The following NAV3 variants were observed in gnomAD, a reference collection of about 807,000 sequenced individuals.
The protein encoded by NAV3 is pore membrane and/or filament interacting like protein 1.
In NAV3, 87 loss-of-function variants were observed where a neutral mutation model predicts 244.7. The ratio of observed to expected loss-of-function variants is 0.36; its 90% CI spans 0.30 to 0.42. The LOEUF (loss-of-function observed/expected upper bound fraction) is 0.42. Ranked by LOEUF, NAV3 falls within the 20% of genes least tolerant of loss-of-function variation. The pLI, the probability that NAV3 is intolerant of heterozygous loss-of-function variation, is 1.00. For synonymous variants in NAV3, 1,126 were observed against 1,042.2 expected (o/e 1.08, Z -1.55); for missense variants, 2,663 against 2,893.3 (o/e 0.92, Z 1.83).
chr12:77,893,518 C>A (rs1354521389), intron 1 of NAV3, among the ~76,000 whole-genome samples: 2 of 151,442 alleles, frequency 1.3e-5, no homozygotes, highest in Non-Finnish European at 2.9e-5. Flanking sequence ...TATATTGATA[C>A]ATGGCATCTT....
intron 3 of NAV3, among the ~76,000 whole-genome samples, chr12:77,945,564 A>G (rs532808352): frequency 3.3e-5 from 5 of 152,308 alleles, no homozygotes; most frequent in South Asian, 2.1e-4. Context: ...TACAACTTAC[A>G]TAAGTGTTAC....
chr12:77,619,552 G>A lies in NAV3; in HGVS notation c.72+47286G>A, dbSNP rs1227103061. 3.3e-5 allele frequency among the ~76,000 whole-genome samples: 5 copies of A among 152,162 alleles called. No homozygotes were observed. The East Asian group carries it at 7.7e-4, about 23-fold the overall frequency. On this transcript the variant is annotated intron_variant, in intron 2 of 8. Transcript: ENST00000550042. ...TTGAGCTTTGATTGCAGGTGTGCTT[G>A]GCCTTCTAAGCAGGCATTGCATGGG...
chr12:78,020,324 CTAAAATATCTTT>C (rs1405448587), intron 8 of NAV3, among the ~76,000 whole-genome samples: 2 of 152,152 alleles, frequency 1.3e-5, no homozygotes, highest in East Asian at 3.9e-4. Flanking sequence ...GATTGGAAGA[CTAAAATATCTTT>C]TAAATTTAGC....
At chr12:78,017,143 T>A (rs1876361071) in intron 8 of NAV3, among the ~76,000 whole-genome samples, 2 of 152,134 alleles carry the variant, frequency 1.3e-5, no homozygotes, top group African/African-American at 4.8e-5. Context: ...CATTGCAAGA[T>A]TATTGTGAAT....
At chr12:77,810,759 A>C (rs113700397) in intron 2 of NAV3, among the ~76,000 whole-genome samples, 2 of 152,170 alleles carry the variant, frequency 1.3e-5, no homozygotes, top group African/African-American at 4.8e-5. Context: ...AGTTTTTTTC[A>C]ATCTTTAACA....
At chr12:77,960,978 GTA>G (rs1047839265) in intron 3 of NAV3, among the ~76,000 whole-genome samples, 6 of 145,410 alleles carry the variant, frequency 4.1e-5, no homozygotes, top group African/African-American at 1.5e-4. Context: ...ATGTATATAT[GTA>G]TATGTTACAT....
chr12:77,663,935 G>A (rs887206533), intron 2 of NAV3, among the ~76,000 whole-genome samples: 9 of 152,080 alleles, frequency 5.9e-5, no homozygotes, highest in Non-Finnish European at 1.3e-4. Flanking sequence ...ATAGTCCCTG[G>A]CGTATAATAA....
intron 1 of NAV3, among the ~76,000 whole-genome samples, chr12:77,853,420 T>A (rs931321534): frequency 2.6e-5 from 4 of 152,226 alleles, no homozygotes; most frequent in Non-Finnish European, 5.9e-5. Flanking sequence ...CTTTTCCCAT[T>A]CCATGGGTTG....
At chr12:77,965,665 C>T (rs1892450544) in intron 3 of NAV3, among the ~76,000 whole-genome samples, 1 of 152,198 alleles carries the variant, frequency 6.6e-6, no homozygotes, top group East Asian at 1.9e-4. Flanking sequence ...TTGGGAATCA[C>T]CCTTTTAAAA....
intron 9 of NAV3, among the ~76,000 whole-genome samples, chr12:78,026,580 A>T (rs975317230): frequency 6.6e-6 from 1 of 152,178 alleles, no homozygotes; most frequent in Non-Finnish European, 1.5e-5. Flanking sequence ...TTTTTAGGAT[A>T]TTTCTCAGTA....
At chr12:77,639,264 C>T (rs903014891) in intron 2 of NAV3, among the ~76,000 whole-genome samples, 2 of 152,118 alleles carry the variant, frequency 1.3e-5, no homozygotes, top group African/African-American at 4.8e-5. Flanking sequence ...ACTTAGCCAA[C>T]AATTTAGTCA....
At chr12:77,911,015 A>G (rs1886528572) in intron 1 of NAV3, among the ~76,000 whole-genome samples, 1 of 152,266 alleles carries the variant, frequency 6.6e-6, no homozygotes, top group Non-Finnish European at 1.5e-5. Flanking sequence ...GTGAATGGCT[A>G]TCTTTTTATA....
chr12:78,019,795 C>G (rs1012233780), intron 8 of NAV3, among the ~76,000 whole-genome samples: 1 of 152,036 alleles, frequency 6.6e-6, no homozygotes, highest in Non-Finnish European at 1.5e-5. Flanking sequence ...CCCAACCATG[C>G]AAGACCTTGT....
intron 2 of NAV3, among the ~76,000 whole-genome samples, chr12:77,655,500 G>A (rs191454482): frequency 5.5e-4 from 83 of 152,282 alleles, no homozygotes; most frequent in Non-Finnish European, 8.1e-4. Flanking sequence ...TGAAAGTGAC[G>A]GGGAGAATGG....
intron 2 of NAV3, among the ~76,000 whole-genome samples, chr12:77,572,958 C>T (rs917890782): frequency 1.3e-5 from 2 of 152,156 alleles, no homozygotes; most frequent in African/African-American, 4.8e-5. Context: ...GGAGTGAGAA[C>T]CACCTAAAGA....
At chr12:77,821,046 C>G (rs1373096038) in intron 2 of NAV3, among the ~76,000 whole-genome samples, 2 of 151,188 alleles carry the variant, frequency 1.3e-5, no homozygotes, top group Non-Finnish European at 2.9e-5. Flanking sequence ...TATTATCTGT[C>G]TCTGCCCATC....
chr12:78,103,621 G>T (rs1287178507), intron 12 of NAV3, among the ~76,000 whole-genome samples: 1 of 152,182 alleles, frequency 6.6e-6, no homozygotes, highest in Non-Finnish European at 1.5e-5. Context: ...AAGAAAAAAA[G>T]GTTTAATTGG....
At chr12:77,908,513 A>C (rs1441729794) in intron 1 of NAV3, among the ~76,000 whole-genome samples, 1 of 152,048 alleles carries the variant, frequency 6.6e-6, no homozygotes, top group African/African-American at 2.4e-5. Flanking sequence ...AAGGTAAAGC[A>C]ATTTAAAAAG....
intron 2 of NAV3, among the ~76,000 whole-genome samples, chr12:77,789,255 C>T (rs1363519267): frequency 6.6e-6 from 1 of 151,996 alleles, no homozygotes. Context: ...AAGTTCTTAC[C>T]AACCTTTTAA....
Sources: gnomAD v4.1 joint callset for allele counts (sites outside exome capture counted in the v4.1 genomes callset) on GRCh38, gnomAD v4.1.1 for gene constraint, MANE v1.5 for transcripts, NCBI Gene and HGNC (gene_info 2026-07-23, HGNC 2026-07-21) for gene names.